XPOT: variants seen among roughly 807,000 people sequenced by gnomAD.
XPOT encodes exportin for tRNA.
A neutral mutation model predicts 128.2 loss-of-function variants in XPOT; 34 were observed. That is an observed-to-expected ratio of 0.27 (90% CI 0.20 to 0.35). The LOEUF (loss-of-function observed/expected upper bound fraction) is 0.35. Ranked by LOEUF, XPOT falls within the 10% of genes least tolerant of loss-of-function variation. The pLI is 1.00. For missense variants in XPOT, 838 were observed against 1,125.3 expected, an observed-to-expected ratio of 0.74 and a Z score of 3.65; for synonymous variants, 348 against 394.3, an observed-to-expected ratio of 0.88 and a Z score of 1.39.
In XPOT at chr12:64,418,125, T is replaced by TA; in HGVS notation, c.270+12dup. On this transcript the variant is annotated intron_variant, in intron 5 of 24. Transcript: ENST00000332707. ...ATGGCTGCAAGCTCAGGTAAAATCA[T>TA]AATTTCATTCAGTACCTCAAATTAT... 1 of 1,609,668 alleles carries TA rather than the reference T, an allele frequency of 6.2e-7. No individual in the cohort carries two copies. The highest frequency in any genetic ancestry group is 8.5e-7 in the Non-Finnish European group (1 of 1,177,452).
At chr12:64,430,026 A>G in intron 16 of XPOT, 23 bp from the exon 17 acceptor site, 3 of 1,540,176 alleles carry the variant, frequency 1.9e-6, no homozygotes, top group Non-Finnish European at 2.6e-6. Context: ...TAAAAGCTTT[A>G]ATAAGACTGA....
At chr12:64,419,223 T>G in intron 6 of XPOT, 129 bp downstream of exon 6, 6 of 670,722 alleles carry the variant, frequency 8.9e-6, no homozygotes, top group African/African-American at 1.9e-5. Flanking sequence ...ATTATAAATT[T>G]ACCTGATGTT....
At chr12:64,441,817 T>C (rs1277952468) in intron 23 of XPOT, among the ~76,000 whole-genome samples, 2 of 151,870 alleles carry the variant, frequency 1.3e-5, no homozygotes, top group Non-Finnish European at 2.9e-5. Flanking sequence ...GCTTCCTGAG[T>C]AGCTGGGATT....
chr12:64,444,686 C>G (rs531363394), intron 23 of XPOT, among the ~76,000 whole-genome samples: 17 of 152,162 alleles, frequency 1.1e-4, no homozygotes, highest in African/African-American at 4.1e-4. Flanking sequence ...AAAAAGCAAG[C>G]TTGTTTTGCA....
At chr12:64,434,040 G>C (rs773434854) in intron 19 of XPOT, among the ~76,000 whole-genome samples, 2 of 152,130 alleles carry the variant, frequency 1.3e-5, no homozygotes, top group Non-Finnish European at 2.9e-5. Context: ...TTGTGAGATA[G>C]GGTCTCACTC....
intron 17 of XPOT, 90 bp downstream of exon 17, chr12:64,430,377 C>T: frequency 3.8e-6 from 4 of 1,061,470 alleles, no homozygotes; most frequent in Non-Finnish European, 4.0e-6. Context: ...TGTGTTTCCA[C>T]AGTTGGATAA....
At chr12:64,427,733 C>T (rs1234640317) in intron 15 of XPOT, among the ~76,000 whole-genome samples, 1 of 152,122 alleles carries the variant, frequency 6.6e-6, no homozygotes, top group Admixed American at 6.6e-5. Flanking sequence ...GCTCAGTCTT[C>T]CCACCTCGGC....
At chr12:64,434,675 T>C in intron 20 of XPOT, 52 bp downstream of exon 20, 1 of 1,566,972 alleles carries the variant, frequency 6.4e-7, no homozygotes, top group South Asian at 1.1e-5. Flanking sequence ...TTCATAAAAC[T>C]CTTAGACATA....
chr12:64,412,723 T>C (rs748230004), intron 2 of XPOT, among the ~76,000 whole-genome samples: 3 of 152,216 alleles, frequency 2.0e-5, no homozygotes, highest in Non-Finnish European at 4.4e-5. Flanking sequence ...CTACCAGGAT[T>C]AGCATCACAT....
intron 23 of XPOT, chr12:64,442,373 T>C (rs1248051169): frequency 2.0e-5 from 3 of 152,428 alleles, no homozygotes; most frequent in African/African-American, 7.2e-5. Flanking sequence ...CCTCAAGTTA[T>C]CCACTGGCCT....
chr12:64,415,101 T>A, intron 3 of XPOT, 112 bp downstream of exon 3: 1 of 717,400 alleles, frequency 1.4e-6, no homozygotes, highest in Non-Finnish European at 2.4e-6. Flanking sequence ...ATGACTTTTT[T>A]TTTTTTTTGC....
chr12:64,421,223 G>C lies in XPOT; in HGVS notation c.844-12G>C, dbSNP rs2040135660. On this transcript the variant is annotated splice_polypyrimidine_tract_variant and intron_variant, in intron 8 of 24. Transcript: ENST00000332707. ...GCAGTTTTAAACAGAGATGTGTCTT[G>C]ATTGCTTATAGGAAGAAGATGTTGA... 2 of 1,601,964 alleles carry C rather than the reference G, an allele frequency of 1.2e-6. No individual in the cohort carries two copies. Among genetic ancestry groups the C allele is most frequent in the African/African-American group, 1.3e-5 (1 of 74,608 alleles).
At chr12:64,417,718 A>C (rs1271524613) in intron 4 of XPOT, among the ~76,000 whole-genome samples, 1 of 152,036 alleles carries the variant, frequency 6.6e-6, no homozygotes, top group Non-Finnish European at 1.5e-5. Context: ...GCAAAATAAC[A>C]AATCACTACT....
chr12:64,430,839 A>G (rs1439370398), intron 17 of XPOT, among the ~76,000 whole-genome samples: 1 of 152,202 alleles, frequency 6.6e-6, no homozygotes, highest in African/African-American at 2.4e-5. Flanking sequence ...TCTAAATTTA[A>G]ATGGGTGGTT....
At chr12:64,430,004 G>T in intron 16 of XPOT, 45 bp from the exon 17 acceptor site, 2 of 1,485,518 alleles carry the variant, frequency 1.3e-6, no homozygotes, top group South Asian at 1.4e-5. Context: ...TAAATGAAGG[G>T]AACTCAAAAA....
chr12:64,422,971 A>G (rs756944433), intron 9 of XPOT, 34 bp from the exon 10 acceptor site: 53 of 1,605,286 alleles, frequency 3.3e-5, no homozygotes, highest in Non-Finnish European at 4.3e-5. Context: ...ATAACTTTAG[A>G]AAACCTAATA....
At chr12:64,427,318 A>G (rs1465986446) in intron 15 of XPOT, among the ~76,000 whole-genome samples, 1 of 151,730 alleles carries the variant, frequency 6.6e-6, no homozygotes, top group Non-Finnish European at 1.5e-5. Context: ...ATGGGGCTTC[A>G]CCATGTTGGT....
At chr12:64,415,131 C>A in intron 3 of XPOT, 142 bp downstream of exon 3, 1 of 589,296 alleles carries the variant, frequency 1.7e-6, no homozygotes, top group Non-Finnish European at 3.0e-6. Context: ...AACATATAGT[C>A]ATTCCATGTA....
chr12:64,424,858 C>T, intron 12 of XPOT, 135 bp downstream of exon 12: 2 of 1,348,074 alleles, frequency 1.5e-6, no homozygotes, highest in Non-Finnish European at 2.0e-6. Flanking sequence ...GGAAACAATG[C>T]ACTTGTCTTC....
Sources: gnomAD v4.1 joint callset for allele counts (sites outside exome capture counted in the v4.1 genomes callset) on GRCh38, gnomAD v4.1.1 for gene constraint, MANE v1.5 for transcripts, NCBI Gene and HGNC (gene_info 2026-07-23, HGNC 2026-07-21) for gene names.